Variants in LMOD1 observed in about 807,000 individuals in gnomAD.
LMOD1 encodes leiomodin 1.
In LMOD1, 8 loss-of-function variants were observed where a neutral mutation model predicts 36.5. That is an observed-to-expected ratio of 0.22 (90% CI 0.13 to 0.40). The LOEUF is 0.40. LMOD1 is among the 10% of genes least tolerant of loss of function. The probability of loss-of-function intolerance (pLI) is 1.00; values close to 1 mark genes in which losing one functional copy is unlikely to be tolerated. For synonymous variants in LMOD1, 284 were observed against 288.7 expected (o/e 0.98, Z 0.17); for missense variants, 630 against 751.1 (o/e 0.84, Z 1.88).
Position 201,899,383 on chromosome 1 carries a change from G to T in LMOD1, c.1630C>A (p.Pro544Thr), listed in dbSNP as rs1011855307. ...PPPPPPPLAPPLIMENLKNSL... is the reference protein window; with the variant it reads ...PPPPPPPLAPTLIMENLKNSL... The stretch of plus-strand genomic sequence containing the variant: ...TTCTTCAGGTTCTCCATGATAAGGG[G>T]TGGAGCCAAGGGAGGGGGAGGGGGT... The change falls in exon 2 of 3, where the codon CCC becomes ACC. Residue 544 changes from proline to threonine, a missense_variant. By Grantham distance (38) the Pro-to-Thr change is conservative. Transcript: ENST00000367288. The surrounding 1 kb of genome is among the most constrained non-coding windows in gnomAD (Gnocchi z 6.3). 6.2e-7 allele frequency: 1 copy of T among 1,610,742 alleles called. No individual in the cohort carries two copies. Among genetic ancestry groups the T allele is most frequent in the East Asian group, 2.2e-5 (1 of 44,826 alleles).
chr1:201,944,357 G>C (rs1009071294), intron 1 of LMOD1, among the ~76,000 whole-genome samples: 2 of 152,172 alleles, frequency 1.3e-5, no homozygotes, highest in African/African-American at 2.4e-5. Context: ...TGATTAGACT[G>C]CTTTGTTTGA....
Position 201,900,013 on chromosome 1 carries a change from C to T in LMOD1, c.1000G>A (p.Glu334Lys), listed in dbSNP as rs750571791. The T allele has an allele frequency of 6.2e-7, 1 of 1,613,930 alleles. No individual in the cohort carries two copies. ...RVKNNDPEMT[E>K]VNVNNSDCIT... is the part of the protein sequence containing the mutation. ...CAGTCTGAGTTGTTGACGTTCACCTCAGTCATCTCGGGGTCATTGTTCTTC... is the reference window on the plus strand; with the variant it reads ...CAGTCTGAGTTGTTGACGTTCACCTTAGTCATCTCGGGGTCATTGTTCTTC... The change falls in exon 2 of 3, where the codon GAG becomes AAG. Residue 334 changes from glutamate (E) to lysine (K), a missense_variant. By Grantham distance (56) the Glu-to-Lys change is moderately conservative. Transcript: ENST00000367288.
intron 1 of LMOD1, among the ~76,000 whole-genome samples, chr1:201,923,658 G>A (rs1288309695): frequency 6.6e-6 from 1 of 152,056 alleles, no homozygotes; most frequent in Admixed American, 6.5e-5. Flanking sequence ...GAGTTCAGGA[G>A]TTCGAGACTA....
chr1:201,901,540 A>ATATATATATATG (rs1681307390), intron 1 of LMOD1, among the ~76,000 whole-genome samples: 1 of 47,354 alleles, frequency 2.1e-5, no homozygotes, highest in Non-Finnish European at 3.8e-5. Flanking sequence ...GTATATATAT[A>ATATATATATATG]TATATATATA....
chr1:201,939,246 T>C (rs1331219103), intron 1 of LMOD1, among the ~76,000 whole-genome samples: 13 of 152,196 alleles, frequency 8.5e-5, no homozygotes, highest in Non-Finnish European at 5.9e-5. Context: ...TCTCGTGATG[T>C]GCCAAACACT....
chr1:201,899,025 G>T lies in LMOD1; in HGVS notation c.1776+212C>A. On this transcript the variant is annotated intron_variant, in intron 2 of 2. Transcript: ENST00000367288. This position sits in a 1 kb window ranked among gnomAD's most constrained non-coding sequence, Gnocchi z 6.3. ...ATTAAAGGAAGCTCCTTAAAGGAAGGGTAGAGTCTCAGCTCTAGGGGATAT... is the reference window on the plus strand; with the variant it reads ...ATTAAAGGAAGCTCCTTAAAGGAAGTGTAGAGTCTCAGCTCTAGGGGATAT... 2.1e-6 allele frequency: 1 copy of T among 480,784 alleles called. No individual in the cohort carries two copies. The allele number at this position is 480,784 out of a possible 1,614,324, so 29.8% of individuals were successfully genotyped here.
intron 1 of LMOD1, among the ~76,000 whole-genome samples, chr1:201,914,318 G>A (rs755667604): frequency 9.9e-5 from 15 of 152,136 alleles, no homozygotes; most frequent in Admixed American, 7.9e-4. Flanking sequence ...CCAATGCTGA[G>A]GACCAGCTTG....
chr1:201,935,374 T>C (rs1356326718), intron 1 of LMOD1, among the ~76,000 whole-genome samples: 1 of 146,186 alleles, frequency 6.8e-6, no homozygotes, highest in African/African-American at 2.5e-5. Flanking sequence ...CAACCCAACA[T>C]TTCCCCTTGG....
In LMOD1 at chr1:201,935,705, C is replaced by G. The variant is rs187724003; in HGVS notation, c.261+10375G>C. 8.0e-4 allele frequency among the ~76,000 whole-genome samples: 121 copies of G among 151,794 alleles called. 3 individuals are homozygous for G. Among genetic ancestry groups the G allele is most frequent in the Admixed American group, 4.6e-4 (7 of 15,248 alleles). On this transcript the variant is annotated intron_variant, in intron 1 of 2. Coordinates refer to ENST00000367288, the MANE Select transcript of LMOD1 (RefSeq NM_012134.3). ...CCGAGTACCTGGGATTACAGGTGCCCACCACCACGCCCAGCTAATTTTTGT... is the reference window on the plus strand; with the variant it reads ...CCGAGTACCTGGGATTACAGGTGCCGACCACCACGCCCAGCTAATTTTTGT...
intron 1 of LMOD1, among the ~76,000 whole-genome samples, chr1:201,940,523 G>A (rs1682096384): frequency 1.3e-5 from 2 of 151,668 alleles, no homozygotes; most frequent in Non-Finnish European, 2.9e-5. Flanking sequence ...GTAAGGAGAA[G>A]GCAGGCACCC....
intron 2 of LMOD1, among the ~76,000 whole-genome samples, chr1:201,898,792 A>G (rs753141255): frequency 6.6e-6 from 1 of 152,170 alleles, no homozygotes; most frequent in African/African-American, 2.4e-5. Flanking sequence ...TGAGAGGTGA[A>G]TCTCCCAGAG....
rs758664983 is a variant in LMOD1, at chr1:201,899,702, G to A, written c.1311C>T (p.Ile437=). 17 of 1,614,024 alleles carry A rather than the reference G, an allele frequency of 1.1e-5. No individual in the cohort carries two copies. The highest frequency in any genetic ancestry group is 1.3e-5 in the African/African-American group (1 of 75,054). ...HICGGKTEME[I]AKLLKENTTL... is the part of the protein sequence containing the mutation. The stretch of plus-strand genomic sequence containing the variant: ...TAGTATTCTCCTTCAGCAGCTTGGC[G>A]ATCTCCATCTCCGTCTTGCCTCCAC... The change falls in exon 2 of 3, where the codon ATC becomes ATT. Residue 437 remains isoleucine (I), a synonymous_variant. Transcript: ENST00000367288. This position sits in a 1 kb window ranked among gnomAD's most constrained non-coding sequence, Gnocchi z 6.3.
chr1:201,901,395 G>C (rs1226205188), intron 1 of LMOD1, among the ~76,000 whole-genome samples: 1 of 149,778 alleles, frequency 6.7e-6, no homozygotes, highest in African/African-American at 2.5e-5. Context: ...CCAGCTACTC[G>C]GGAGGCAGAG....
At chr1:201,942,492 C>A (rs574267782) in intron 1 of LMOD1, among the ~76,000 whole-genome samples, 2 of 152,222 alleles carry the variant, frequency 1.3e-5, no homozygotes, top group Non-Finnish European at 2.9e-5. Context: ...TCAGGAGGAT[C>A]TCTGGAATAT....
chr1:201,937,514 A>C (rs1286669730), intron 1 of LMOD1, among the ~76,000 whole-genome samples: 13 of 152,046 alleles, frequency 8.6e-5, no homozygotes, highest in Admixed American at 8.5e-4. Flanking sequence ...CCGTAATCTC[A>C]GCACTTTGGG....
intron 1 of LMOD1, among the ~76,000 whole-genome samples, chr1:201,931,707 T>C (rs1681926136): frequency 6.6e-6 from 1 of 151,812 alleles, no homozygotes; most frequent in Non-Finnish European, 1.5e-5. Flanking sequence ...AGATCATCTG[T>C]TGAGGGTGAA....
intron 1 of LMOD1, among the ~76,000 whole-genome samples, chr1:201,915,611 C>G (rs1558237728): frequency 6.6e-6 from 1 of 152,126 alleles, no homozygotes; most frequent in Admixed American, 6.5e-5. Flanking sequence ...CCCTCTGCAC[C>G]CCGCTCTGCA....
intron 2 of LMOD1, 54 bp from the exon 3 acceptor site, chr1:201,898,452 C>A (rs772833395): frequency 1.6e-5 from 24 of 1,531,300 alleles, no homozygotes; most frequent in Non-Finnish European, 2.0e-5. Context: ...CACCTCACCT[C>A]CCTCCCTACT....
Position 201,899,144 on chromosome 1 carries a change from A to G in LMOD1, c.1776+93T>C. 4 of 1,170,244 alleles carry G rather than the reference A, an allele frequency of 3.4e-6. No homozygotes were observed. Among genetic ancestry groups the G allele is most frequent in the Non-Finnish European group, 4.7e-6 (4 of 847,352 alleles). The allele number at this position is 1,170,244 out of a possible 1,614,324, so 72.5% of individuals were successfully genotyped here. On this transcript the variant is annotated intron_variant, in intron 2 of 2. Coordinates refer to ENST00000367288, the MANE Select transcript of LMOD1 (RefSeq NM_012134.3). The surrounding 1 kb of genome is among the most constrained non-coding windows in gnomAD (Gnocchi z 6.3). ...GTCTATATCATCTGCAGCCGACATA[A>G]GCTCCTCTGCATGCCTTCCCTTTTG...
Sources: gnomAD v4.1 joint callset for allele counts (sites outside exome capture counted in the v4.1 genomes callset) on GRCh38, gnomAD v4.1.1 for gene constraint, Gnocchi (gnomAD v3.1) non-coding constraint, MANE v1.5 for transcripts, NCBI Gene and HGNC (gene_info 2026-07-23, HGNC 2026-07-21) for gene names.